The following CCNYL1 variants were observed in gnomAD, a reference collection of about 807,000 sequenced individuals.
CCNYL1 encodes cyclin Y like 1.
A neutral mutation model predicts 44.2 loss-of-function variants in CCNYL1; 16 were observed. The ratio of observed to expected loss-of-function variants is 0.36; its 90% CI spans 0.25 to 0.55. The LOEUF is 0.55. CCNYL1 is among the 20% of genes least tolerant of loss of function. The probability of loss-of-function intolerance (pLI) is 0.85; values close to 1 mark genes in which losing one functional copy is unlikely to be tolerated. For synonymous variants in CCNYL1, 159 were observed against 163.2 expected, an observed-to-expected ratio of 0.97 and a Z score of 0.20; for missense variants, 348 against 451.8, an observed-to-expected ratio of 0.77 and a Z score of 2.08.
intron 8 of CCNYL1, chr2:207,750,663 A>G: frequency 3.8e-6 from 1 of 265,540 alleles, no homozygotes; most frequent in Non-Finnish European, 7.1e-6. Flanking sequence ...AGCGTGAAGT[A>G]TGAATTGTAC....
intron 2 of CCNYL1, among the ~76,000 whole-genome samples, chr2:207,725,444 C>A (rs558136419): frequency 6.6e-6 from 1 of 152,294 alleles, no homozygotes; most frequent in South Asian, 2.1e-4. Flanking sequence ...ATGCATATTT[C>A]TCCATACTTC....
chr2:207,753,865 T>TG lies in CCNYL1; in HGVS notation c.*170dup, dbSNP rs1476455561. The TG allele has an allele frequency of 1.8e-6, 1 of 545,186 alleles. No individual in the cohort carries two copies. Among genetic ancestry groups the TG allele is most frequent in the Non-Finnish European group, 3.3e-6 (1 of 306,482 alleles). The allele number at this position is 545,186 out of a possible 1,614,324, so 33.8% of individuals were successfully genotyped here. A position where few individuals can be genotyped will look rare whatever the true frequency, so the allele number is the denominator to read the frequency against. ...AAGGATTATACTCCACAGGAAAGAATGGGACCTTGTCAATGCAACAAAACA... is the reference window on the plus strand; with the variant it reads ...AAGGATTATACTCCACAGGAAAGAATGGGGACCTTGTCAATGCAACAAAACA... On this transcript the variant is annotated 3_prime_UTR_variant, in exon 10 of 10. Coordinates refer to ENST00000295414, the MANE Select transcript of CCNYL1 (RefSeq NM_001330218.2).
At chr2:207,732,683 TG>T in intron 3 of CCNYL1, among the ~76,000 whole-genome samples, 1 of 151,972 alleles carries the variant, frequency 6.6e-6, no homozygotes, top group Middle Eastern at 3.4e-3. Flanking sequence ...GACTGGGATT[TG>T]GTTACTGACC....
chr2:207,751,048 T>A lies in CCNYL1; in HGVS notation c.898T>A (p.Ser300Thr). The part of the protein sequence containing the change: ...VYAKYYFDLR[S>T]LADDNNLNFL... ...TGCCAAATACTACTTTGACCTTCGC[T>A]CCTTAGCAGATGACAACAACCTGAA... Residue 300 changes from serine (S) to threonine (T), a missense_variant, in exon 9 of 10, where the codon TCC becomes ACC. Around this residue, in one of 3 missense-constraint regions of CCNYL1, gnomAD observed 94 missense variants for 102.4 expected, o/e 0.92. Transcript: ENST00000295414. 6.2e-7 allele frequency: 1 copy of A among 1,614,104 alleles called. No homozygotes were observed. Among genetic ancestry groups the A allele is most frequent in the Admixed American group, 1.7e-5 (1 of 60,024 alleles).
Position 207,753,449 on chromosome 2 carries a change from G to C in CCNYL1, c.970-139G>C, listed in dbSNP as rs2091909292. On this transcript the variant is annotated intron_variant, in intron 9 of 9. Transcript: ENST00000295414. ...GAAGTAGTGTCCCCACAACCTGGCA[G>C]TGTAAAACTCAGCCAAAGTAGCTGT... 35 of 584,160 alleles carry C rather than the reference G, an allele frequency of 6.0e-5. No homozygotes were observed. The South Asian group carries it at 8.1e-4, about 13-fold the overall frequency. 36.2% of individuals were successfully genotyped at this position (584,160 alleles called of 1,614,324 possible).
Position 207,743,806 on chromosome 2 carries a change from TTTTTTG to T in CCNYL1, c.639+1487_639+1492del, listed in dbSNP as rs61405839. ...TGCCTACTCTGTGCCACTATTCTTGTTTTTTGTTTTTGTTTTTGTTTTTGTTTTGTT... is the reference window on the plus strand; with the variant it reads ...TGCCTACTCTGTGCCACTATTCTTGTTTTTTGTTTTTGTTTTTGTTTTGTT... On this transcript the variant is annotated intron_variant, in intron 7 of 9. Transcript: ENST00000295414. Among the ~76,000 whole-genome samples the T allele has an allele frequency of 6.7e-4, 102 of 151,564 alleles. 1 individual carries two copies. Among genetic ancestry groups the T allele is most frequent in the African/African-American group, 1.9e-3 (79 of 41,110 alleles).
intron 3 of CCNYL1, among the ~76,000 whole-genome samples, chr2:207,729,651 CTCCTT>C (rs1001421734): frequency 2.2e-4 from 34 of 151,820 alleles, no homozygotes; most frequent in African/African-American, 6.0e-4. Flanking sequence ...TCTTTTTTAT[CTCCTT>C]TCCTTTCCTT....
At chr2:207,714,495 A>G (rs750655910) in intron 1 of CCNYL1, 3 of 319,216 alleles carry the variant, frequency 9.4e-6, no homozygotes, top group Non-Finnish European at 1.8e-5. Flanking sequence ...TTCAGTGGAT[A>G]AGAATAAAAG....
intron 9 of CCNYL1, among the ~76,000 whole-genome samples, chr2:207,752,758 G>C (rs17639938): frequency 0.22 from 33,588 of 151,812 alleles, 4,397 homozygotes; most frequent in Middle Eastern, 0.34. Context: ...GCCTGAGAGT[G>C]GCTCATGCCT....
intron 2 of CCNYL1, among the ~76,000 whole-genome samples, chr2:207,725,599 A>G (rs1487691205): frequency 6.6e-6 from 1 of 152,244 alleles, no homozygotes; most frequent in Admixed American, 6.5e-5. Context: ...CCTTTTATAC[A>G]ATGCTCTAAC....
intron 8 of CCNYL1, among the ~76,000 whole-genome samples, chr2:207,747,765 G>C (rs1370524862): frequency 1.3e-5 from 2 of 152,028 alleles, no homozygotes; most frequent in Non-Finnish European, 2.9e-5. Flanking sequence ...TCACTGTGTT[G>C]GTCAGGCTGG....
intron 8 of CCNYL1, among the ~76,000 whole-genome samples, chr2:207,748,244 G>A (rs1002325350): frequency 1.3e-5 from 2 of 152,264 alleles, no homozygotes; most frequent in East Asian, 1.9e-4. Flanking sequence ...CCCCTCAGGC[G>A]GTCTGAGAAG....
intron 1 of CCNYL1, among the ~76,000 whole-genome samples, chr2:207,720,113 A>T (rs1426764038): frequency 7.2e-6 from 1 of 137,962 alleles, no homozygotes; most frequent in Non-Finnish European, 1.5e-5. Context: ...GCTTCAACTC[A>T]GGAGGCAGAG....
chr2:207,749,000 C>T (rs540236886), intron 8 of CCNYL1, among the ~76,000 whole-genome samples: 28 of 152,336 alleles, frequency 1.8e-4, no homozygotes, highest in African/African-American at 5.8e-4. Context: ...CTTAGCCCTA[C>T]CATGATGGCA....
At chr2:207,752,707 TTAGAA>T (rs1463323962) in intron 9 of CCNYL1, among the ~76,000 whole-genome samples, 2 of 152,118 alleles carry the variant, frequency 1.3e-5, no homozygotes, top group Admixed American at 1.3e-4. Flanking sequence ...TGGTGGTACT[TTAGAA>T]TAATATGTAT....
chr2:207,738,377 C>T (rs527380789), intron 5 of CCNYL1, among the ~76,000 whole-genome samples: 4 of 151,984 alleles, frequency 2.6e-5, no homozygotes, highest in African/African-American at 7.3e-5. Context: ...CATGCCACCA[C>T]GCCTGGCTAA....
At chr2:207,737,858 T>C (rs913014415) in intron 5 of CCNYL1, among the ~76,000 whole-genome samples, 5 of 152,316 alleles carry the variant, frequency 3.3e-5, no homozygotes, top group Non-Finnish European at 5.9e-5. Context: ...GAGAATCATA[T>C]TGTTAACATA....
chr2:207,727,924 A>G (rs192481202), intron 3 of CCNYL1, among the ~76,000 whole-genome samples: 93 of 151,188 alleles, frequency 6.2e-4, no homozygotes, highest in African/African-American at 2.1e-3. Flanking sequence ...TTAGAGATCT[A>G]GCCTGTCTGA....
At chr2:207,746,631 G>A (rs914527202) in intron 7 of CCNYL1, among the ~76,000 whole-genome samples, 2 of 152,194 alleles carry the variant, frequency 1.3e-5, no homozygotes, top group East Asian at 3.8e-4. Context: ...AAGAATAAAA[G>A]GCACTTATTT....
Sources: allele counts gnomAD v4.1 joint callset (sites outside exome capture counted in the v4.1 genomes callset), GRCh38; gene constraint gnomAD v4.1.1; regional missense constraint gnomAD v4.1.1; transcripts MANE v1.5; gene names NCBI Gene and HGNC (gene_info 2026-07-23, HGNC 2026-07-21).